Variants in MYT1L observed in about 807,000 individuals in gnomAD.
The protein encoded by MYT1L is myelin transcription factor 1-like protein.
Under a neutral mutation model 126.7 loss-of-function variants are expected in MYT1L, and 12 were observed. The ratio of observed to expected loss-of-function variants is 0.09; its 90% confidence interval spans 0.06 to 0.15. MYT1L has a LOEUF of 0.15. MYT1L is among the 10% of genes least tolerant of loss of function. The pLI is 1.00. For missense variants in MYT1L, 979 were observed against 1,585.2 expected (o/e 0.62, Z 6.49); for synonymous variants, 541 against 604.2 (o/e 0.90, Z 1.53).
intron 5 of MYT1L, among the ~76,000 whole-genome samples, chr2:1,988,128 GC>G (rs1361339695): frequency 6.6e-6 from 1 of 152,016 alleles, no homozygotes; most frequent in Non-Finnish European, 1.5e-5. Context: ...CAGCCCAGCT[GC>G]ACCTACAGGG....
chr2:1,844,977 CTTT>C (rs34390205), intron 19 of MYT1L, among the ~76,000 whole-genome samples: 18 of 133,090 alleles, frequency 1.4e-4, no homozygotes, highest in African/African-American at 1.5e-4. Flanking sequence ...ATCCATCTTC[CTTT>C]TTTTTTTTTT....
intron 21 of MYT1L, among the ~76,000 whole-genome samples, chr2:1,814,783 G>A (rs2037366093): frequency 6.6e-6 from 1 of 152,120 alleles, no homozygotes; most frequent in Non-Finnish European, 1.5e-5. Context: ...AGGCCTGGCG[G>A]AGAGCATTCA....
intron 9 of MYT1L, among the ~76,000 whole-genome samples, chr2:1,932,665 C>T (rs1354725270): frequency 2.0e-5 from 3 of 152,172 alleles, no homozygotes; most frequent in South Asian, 2.1e-4. Flanking sequence ...GATGGGGGGT[C>T]GGGCAAGTCC....
chr2:1,837,799 T>C (rs2148360235), intron 21 of MYT1L, among the ~76,000 whole-genome samples: 1 of 152,002 alleles, frequency 6.6e-6, no homozygotes, highest in African/African-American at 2.4e-5. Context: ...TGTGTATAAA[T>C]AGGGGTGCTT....
At chr2:1,897,649 G>A (rs1284209350) in intron 14 of MYT1L, among the ~76,000 whole-genome samples, 2 of 152,052 alleles carry the variant, frequency 1.3e-5, no homozygotes, top group Non-Finnish European at 2.9e-5. Flanking sequence ...TTTTAGTAGA[G>A]ACAGGGTTTC....
chr2:2,175,278 T>A (rs922285997), intron 2 of MYT1L, among the ~76,000 whole-genome samples: 4 of 152,104 alleles, frequency 2.6e-5, no homozygotes, highest in African/African-American at 7.3e-5. Context: ...CCTGGAGGTA[T>A]CAGCATCTGA....
chr2:1,808,994 G>A, intron 22 of MYT1L, 82 bp downstream of exon 22: 1 of 1,242,986 alleles, frequency 8.0e-7, no homozygotes, highest in Non-Finnish European at 1.2e-6. Flanking sequence ...AGCTGTAACT[G>A]TCAAAGGACA....
intron 1 of MYT1L, among the ~76,000 whole-genome samples, chr2:2,307,621 A>T (rs2095875684): frequency 6.6e-6 from 1 of 151,940 alleles, no homozygotes; most frequent in Non-Finnish European, 1.5e-5. Context: ...TGTAAGTATG[A>T]CACTCGTGAT....
chr2:2,025,161 T>G (rs2065413163), intron 4 of MYT1L, among the ~76,000 whole-genome samples: 1 of 152,248 alleles, frequency 6.6e-6, no homozygotes, highest in East Asian at 1.9e-4. Context: ...CGTGGGGCCC[T>G]GGCTCCCTGG....
chr2:2,073,965 C>T (rs1418768874), intron 3 of MYT1L, among the ~76,000 whole-genome samples: 4 of 152,122 alleles, frequency 2.6e-5, no homozygotes, highest in African/African-American at 4.8e-5. Context: ...AGGAATTGCC[C>T]GTCTCACCCA....
At chr2:1,866,082 AG>A (rs2045422406) in intron 18 of MYT1L, among the ~76,000 whole-genome samples, 1 of 152,310 alleles carries the variant, frequency 6.6e-6, no homozygotes, top group Non-Finnish European at 1.5e-5. Flanking sequence ...TGCGAAAGGA[AG>A]TTGCCTGCGA....
rs563816583 is a variant in MYT1L at position 2,209,024 on chromosome 2, A to C, written c.-420-36036T>G. On this transcript the variant is annotated intron_variant, in intron 2 of 24. Coordinates refer to ENST00000647738, the MANE Select transcript of MYT1L (RefSeq NM_001303052.2). The stretch of plus-strand genomic sequence containing the variant: ...TACACACACACACACACACACACAC[A>C]CCCCAAATAGATTCAAAGCCACTGA... 1.5e-4 allele frequency among the ~76,000 whole-genome samples: 22 copies of C among 150,416 alleles called. No individual in the cohort carries two copies. In the South Asian group the frequency reaches 2.3e-3, roughly 16 times the overall value.
At chr2:1,933,582 A>G (rs897979248) in intron 9 of MYT1L, among the ~76,000 whole-genome samples, 3 of 152,228 alleles carry the variant, frequency 2.0e-5, no homozygotes, top group Non-Finnish European at 4.4e-5. Context: ...TGCCTCATCC[A>G]AAGACTGGAA....
rs144078441 is a variant in MYT1L at position 2,153,069 on chromosome 2, G to T, written c.-304+19803C>A. On this transcript the variant is annotated intron_variant, in intron 3 of 24. Transcript: ENST00000647738. ...TCTCAGCACTTTGGGAGACTAAGGT[G>T]GGAGGGTTGCTTGAGGCCAGGTGTT... Among the ~76,000 whole-genome samples, 849 of 152,236 alleles carry T rather than the reference G, an allele frequency of 5.6e-3. 6 individuals are homozygous for T. Among genetic ancestry groups the T allele is most frequent in the African/African-American group, 0.019 (786 of 41,532 alleles).
chr2:1,911,759 C>T (rs1188095351), intron 12 of MYT1L, among the ~76,000 whole-genome samples: 1 of 152,212 alleles, frequency 6.6e-6, no homozygotes, highest in African/African-American at 2.4e-5. Flanking sequence ...GGTCTCCTTC[C>T]TTCCAGCCAT....
intron 3 of MYT1L, among the ~76,000 whole-genome samples, chr2:2,125,379 T>A (rs920505625): frequency 5.3e-5 from 8 of 152,214 alleles, no homozygotes; most frequent in African/African-American, 1.9e-4. Context: ...CATCAATGAA[T>A]AATTTCTGGA....
At chr2:1,871,985 C>T (rs1037783452) in intron 18 of MYT1L, among the ~76,000 whole-genome samples, 3 of 152,100 alleles carry the variant, frequency 2.0e-5, no homozygotes, top group Non-Finnish European at 4.4e-5. Context: ...CTGCATTATT[C>T]GTAGAGACAA....
chr2:1,937,430 A>G (rs935706716), intron 9 of MYT1L, among the ~76,000 whole-genome samples: 1 of 151,084 alleles, frequency 6.6e-6, no homozygotes, highest in Non-Finnish European at 1.5e-5. Flanking sequence ...CGGCCATCAG[A>G]TCGTACATCG....
At chr2:1,823,021 C>T (rs898308643) in intron 21 of MYT1L, among the ~76,000 whole-genome samples, 4 of 152,142 alleles carry the variant, frequency 2.6e-5, no homozygotes, top group Non-Finnish European at 4.4e-5. Context: ...ATGGCCTGGC[C>T]CCTACACCTG....
Sources: gnomAD v4.1 joint callset for allele counts (sites outside exome capture counted in the v4.1 genomes callset) on GRCh38, gnomAD v4.1.1 for gene constraint, MANE v1.5 for transcripts, NCBI Gene and HGNC (gene_info 2026-07-23, HGNC 2026-07-21) for gene names.